The following C1orf115 variants were observed in gnomAD, a reference collection of about 807,000 sequenced individuals.
C1orf115 encodes the protein chromosome 1 open reading frame 115, also known as required for drug-induced death protein 1.
Under a neutral mutation model 12.5 loss-of-function variants are expected in C1orf115, and 14 were observed. The ratio of observed to expected loss-of-function variants is 1.12; its 90% CI spans 0.74 to 1.75. C1orf115 has a LOEUF of 1.75. Ranked by LOEUF, C1orf115 falls within the 40% of genes most tolerant of loss-of-function variation. The pLI, the probability that C1orf115 is intolerant of heterozygous loss-of-function variation, is 0.00. For synonymous variants in C1orf115, 109 were observed against 104.6 expected, an observed-to-expected ratio of 1.04 and a Z score of -0.26; for missense variants, 237 against 220.8, an observed-to-expected ratio of 1.07 and a Z score of -0.46.
Position 220,698,502 on chromosome 1 carries a change from A to G in C1orf115, c.*1771A>G, listed in dbSNP as rs1202948085. 4 of 152,258 alleles carry G rather than the reference A, an allele frequency of 2.6e-5. No homozygotes were observed. The allele number at this position is 152,258 out of a possible 1,614,324, so 9.4% of individuals were successfully genotyped here. ...ACATTTTCACACACGTGAGATAATTACAGCTTGCCCCACAACACTGGGTGT... is the reference window on the plus strand; with the variant it reads ...ACATTTTCACACACGTGAGATAATTGCAGCTTGCCCCACAACACTGGGTGT... On this transcript the variant is annotated 3_prime_UTR_variant, in exon 2 of 2. Transcript: ENST00000294889.
intron 1 of C1orf115, among the ~76,000 whole-genome samples, chr1:220,691,931 C>CG (rs1246714685): frequency 1.3e-5 from 2 of 152,258 alleles, no homozygotes; most frequent in Non-Finnish European, 2.9e-5. Context: ...CCCCCGCCCC[C>CG]GGGGGGGCTT....
chr1:220,694,686 C>T (rs1380589577), intron 1 of C1orf115, among the ~76,000 whole-genome samples: 1 of 152,158 alleles, frequency 6.6e-6, no homozygotes, highest in Non-Finnish European at 1.5e-5. Flanking sequence ...GTGCTTAGGG[C>T]TACAAGGGAG....
rs1670223883 is a variant in C1orf115 at position 220,698,337 on chromosome 1, G to A, written c.*1606G>A. ...TAGAGGAGAAGGTTGAAGCTGTGGA[G>A]CTAGACTCTGCTTCACTTCCTGAAG... On this transcript the variant is annotated 3_prime_UTR_variant, in exon 2 of 2. Coordinates refer to ENST00000294889, the MANE Select transcript of C1orf115 (RefSeq NM_024709.5). 1 of 152,254 alleles carries A rather than the reference G, an allele frequency of 6.6e-6. No homozygotes were observed. Among genetic ancestry groups the A allele is most frequent in the African/African-American group, 2.4e-5 (1 of 41,468 alleles). 9.4% of individuals were successfully genotyped at this position (152,254 alleles called of 1,614,324 possible). A position where few individuals can be genotyped will look rare whatever the true frequency, so the allele number is the denominator to read the frequency against.
intron 1 of C1orf115, among the ~76,000 whole-genome samples, chr1:220,691,310 G>A (rs1670103876): frequency 6.6e-6 from 1 of 152,148 alleles, no homozygotes; most frequent in Non-Finnish European, 1.5e-5. Flanking sequence ...CGGGGAGATG[G>A]GGTTAGGAAG....
Position 220,699,078 on chromosome 1 carries a change from G to A in C1orf115, c.*2347G>A, listed in dbSNP as rs1670234052. ...GTATTGAGTTTTAGAGCTTTCGCTT[G>A]ATGTGCTTGACCAAGAGACTTCTTT... On this transcript the variant is annotated 3_prime_UTR_variant, in exon 2 of 2. Coordinates refer to ENST00000294889, the MANE Select transcript of C1orf115 (RefSeq NM_024709.5). The A allele has an allele frequency of 6.6e-6, 1 of 151,982 alleles. No individual in the cohort carries two copies. The highest frequency in any genetic ancestry group is 1.5e-5 in the Non-Finnish European group (1 of 68,014). 9.4% of individuals were successfully genotyped at this position (151,982 alleles called of 1,614,324 possible).
Position 220,696,929 on chromosome 1 carries a change from C to T in C1orf115, c.*198C>T, listed in dbSNP as rs75557296. 2,207 of 631,632 alleles carry T rather than the reference C, an allele frequency of 3.5e-3. 45 individuals are homozygous for T. The African/African-American group carries it at 0.037, about 10-fold the overall frequency. 39.1% of individuals were successfully genotyped at this position (631,632 alleles called of 1,614,324 possible). On this transcript the variant is annotated 3_prime_UTR_variant, in exon 2 of 2. Coordinates refer to ENST00000294889, the MANE Select transcript of C1orf115 (RefSeq NM_024709.5). The stretch of plus-strand genomic sequence containing the variant: ...GAGCTTCTCACATCTCTCAGTCACA[C>T]GTGGACCCAGTGGTCAATCCTGCAG...
chr1:220,694,135 A>G (rs1297114502), intron 1 of C1orf115, among the ~76,000 whole-genome samples: 1 of 151,354 alleles, frequency 6.6e-6, no homozygotes, highest in Non-Finnish European at 1.5e-5. Context: ...AGGAAATTAT[A>G]GTCTTAAGAA....
Position 220,696,714 on chromosome 1 carries a change from G to T in C1orf115, c.412G>T (p.Val138Leu), listed in dbSNP as rs545063615. The stretch of plus-strand genomic sequence containing the variant: ...CCCGTTTGCGGTAGCCACCAGCGTG[G>T]TATCCTTCGTGCGCTAATGGGAGCT... ...SAPFAVATSV[V>L]SFVR Residue 138 changes from valine to leucine, a missense_variant, in exon 2 of 2, where the codon GTA becomes TTA. Transcript: ENST00000294889. 2.5e-6 allele frequency: 4 copies of T among 1,595,042 alleles called. No individual in the cohort carries two copies. In the Admixed American group the frequency reaches 5.0e-5, roughly 20 times the overall value.
At chr1:220,695,572 G>T (rs917718483) in intron 1 of C1orf115, among the ~76,000 whole-genome samples, 3 of 148,322 alleles carry the variant, frequency 2.0e-5, no homozygotes, top group African/African-American at 7.5e-5. Flanking sequence ...GGGTGTGTTC[G>T]TGTGTGTTGC....
At chr1:220,695,811 A>G (rs1450118200) in intron 1 of C1orf115, among the ~76,000 whole-genome samples, 1 of 152,210 alleles carries the variant, frequency 6.6e-6, no homozygotes, top group Non-Finnish European at 1.5e-5. Context: ...GGTTATCTGC[A>G]TGGACATTGA....
At chr1:220,693,122 G>A (rs938474821) in intron 1 of C1orf115, among the ~76,000 whole-genome samples, 1 of 152,148 alleles carries the variant, frequency 6.6e-6, no homozygotes, top group Non-Finnish European at 1.5e-5. Flanking sequence ...GCTCCCCTCT[G>A]AGAGAGTAGT....
rs1179866423 is a variant in C1orf115, at chr1:220,696,779, T to A, written c.*48T>A. 2 of 1,538,250 alleles carry A rather than the reference T, an allele frequency of 1.3e-6. No homozygotes were observed. Among genetic ancestry groups the A allele is most frequent in the East Asian group, 2.3e-5 (1 of 43,576 alleles). Reference sequence around the variant, plus strand: ...CCCCAGAGTGAACGGGAGCCCCTGCTGTGGGAACTTTGTGAATCCTGGAGC... The same window carrying A: ...CCCCAGAGTGAACGGGAGCCCCTGCAGTGGGAACTTTGTGAATCCTGGAGC... On this transcript the variant is annotated 3_prime_UTR_variant, in exon 2 of 2. Coordinates refer to ENST00000294889, the MANE Select transcript of C1orf115 (RefSeq NM_024709.5).
chr1:220,692,508 A>G (rs747783759), intron 1 of C1orf115, among the ~76,000 whole-genome samples: 7 of 152,228 alleles, frequency 4.6e-5, no homozygotes, highest in Non-Finnish European at 8.8e-5. Flanking sequence ...ATGAACCTCT[A>G]AAAATATTAT....
rs1670209562 is a variant in C1orf115 at position 220,697,271 on chromosome 1, TTTAA to T, written c.*544_*547del. On this transcript the variant is annotated 3_prime_UTR_variant, in exon 2 of 2. Transcript: ENST00000294889. This position sits in a 1 kb window ranked among gnomAD's most constrained non-coding sequence, Gnocchi z 4.5. ...TCCTCTACCACTCTGTCACCAGGAG[TTTAA>T]TTACAGGCTTGAGGAGAAGAAAGGA... is the stretch of plus-strand genomic sequence containing the variant. 6.6e-6 allele frequency: 1 copy of T among 151,160 alleles called. No individual in the cohort carries two copies. Among genetic ancestry groups the T allele is most frequent in the Non-Finnish European group, 1.5e-5 (1 of 67,932 alleles). The allele number at this position is 151,160 out of a possible 1,614,324, so 9.4% of individuals were successfully genotyped here.
chr1:220,693,478 T>C (rs780343002), intron 1 of C1orf115, among the ~76,000 whole-genome samples: 1 of 152,246 alleles, frequency 6.6e-6, no homozygotes, highest in Non-Finnish European at 1.5e-5. Context: ...GTTTCAAACA[T>C]GTAAGTAAAA....
Position 220,696,660 on chromosome 1 carries a change from C to G in C1orf115, c.358C>G (p.Leu120Val). The G allele has an allele frequency of 1.2e-6, 2 of 1,603,152 alleles. No homozygotes were observed. The highest frequency in any genetic ancestry group is 1.7e-6 in the Non-Finnish European group (2 of 1,170,862). Residue 120 changes from leucine (L) to valine (V), a missense_variant, in exon 2 of 2, where the codon CTG becomes GTG. By Grantham distance (32) the Leu-to-Val change is conservative. Coordinates refer to ENST00000294889, the MANE Select transcript of C1orf115 (RefSeq NM_024709.5). ...AGGATGCCGCTACGTGGTCATCGGCCTGCAAGGCTTCGCTGCAGCCTACTC... is the reference window on the plus strand; with the variant it reads ...AGGATGCCGCTACGTGGTCATCGGCGTGCAAGGCTTCGCTGCAGCCTACTC... ...IKGCRYVVIG[L>V]QGFAAAYSAP...
rs1392198971 is a variant in C1orf115 at position 220,697,439 on chromosome 1, A to T, written c.*708A>T. 1.3e-5 allele frequency: 2 copies of T among 152,616 alleles called. No homozygotes were observed. Among genetic ancestry groups the T allele is most frequent in the Non-Finnish European group, 2.9e-5 (2 of 68,332 alleles). 9.5% of individuals were successfully genotyped at this position (152,616 alleles called of 1,614,324 possible). On this transcript the variant is annotated 3_prime_UTR_variant, in exon 2 of 2. Coordinates refer to ENST00000294889, the MANE Select transcript of C1orf115 (RefSeq NM_024709.5). This position sits in a 1 kb window ranked among gnomAD's most constrained non-coding sequence, Gnocchi z 4.5. ...GAAGGAGGAAGAAGGGCAAGTTCAG[A>T]TGCAGGCTGGGTGGCTGGGACAGGT...
In C1orf115 at chr1:220,699,116, T is replaced by C. The variant is rs1035910921; in HGVS notation, c.*2385T>C. On this transcript the variant is annotated 3_prime_UTR_variant, in exon 2 of 2. Coordinates refer to ENST00000294889, the MANE Select transcript of C1orf115 (RefSeq NM_024709.5). ...AAGAGACTTCTTTTGTATCCTTTTC[T>C]TGTCCTATGATGTAAATAAAAGCCT... is the stretch of plus-strand genomic sequence containing the variant. 1.3e-5 allele frequency: 2 copies of C among 152,244 alleles called. No individual in the cohort carries two copies. The highest frequency in any genetic ancestry group is 4.8e-5 in the African/African-American group (2 of 41,456). The allele number at this position is 152,244 out of a possible 1,614,324, so 9.4% of individuals were successfully genotyped here.
chr1:220,691,806 C>T (rs1236204479), intron 1 of C1orf115, among the ~76,000 whole-genome samples: 1 of 152,172 alleles, frequency 6.6e-6, no homozygotes, highest in Non-Finnish European at 1.5e-5. Flanking sequence ...ATTTTGGGGG[C>T]ACTCATTATG....
Sources: gnomAD v4.1 joint callset for allele counts (sites outside exome capture counted in the v4.1 genomes callset) on GRCh38, gnomAD v4.1.1 for gene constraint, Gnocchi (gnomAD v3.1) non-coding constraint, MANE v1.5 for transcripts, NCBI Gene and HGNC (gene_info 2026-07-23, HGNC 2026-07-21) for gene names.